Variants in DENND4A observed in about 807,000 individuals in gnomAD.
DENND4A encodes DENN domain containing 4A, also known as C-myc promoter-binding protein.
A neutral mutation model predicts 199.3 loss-of-function variants in DENND4A; 70 were observed. That is an observed-to-expected ratio of 0.35 (90% confidence interval 0.29 to 0.43). The LOEUF (loss-of-function observed/expected upper bound fraction) is 0.43, where lower values mean the gene tolerates loss of function less well. DENND4A is among the 20% of genes least tolerant of loss of function. The probability of loss-of-function intolerance (pLI) is 1.00; values close to 1 mark genes in which losing one functional copy is unlikely to be tolerated. For missense variants in DENND4A, 1,723 were observed against 2,255.8 expected (o/e 0.76, Z 4.78); for synonymous variants, 686 against 766.9 (o/e 0.89, Z 1.74).
chr15:65,706,485 CACACACACACATAT>C (rs1218265316), intron 14 of DENND4A, among the ~76,000 whole-genome samples: 2 of 92,298 alleles, frequency 2.2e-5, no homozygotes, highest in African/African-American at 8.8e-5. Context: ...CACACACACA[CACACACACACATAT>C]ATATATATAT....
At chr15:65,676,406 A>G in intron 24 of DENND4A, 39 bp downstream of exon 24, 1 of 1,425,576 alleles carries the variant, frequency 7.0e-7, no homozygotes, top group Non-Finnish European at 9.4e-7. Context: ...AAATGAAACT[A>G]CAAATCAAAT....
At chr15:65,707,842 C>T (rs1481572950) in intron 14 of DENND4A, among the ~76,000 whole-genome samples, 1 of 152,070 alleles carries the variant, frequency 6.6e-6, no homozygotes, top group African/African-American at 2.4e-5. Flanking sequence ...CGTGCCACCA[C>T]ACCCAGCTAA....
At chr15:65,718,591 A>G (rs2075489768) in intron 12 of DENND4A, among the ~76,000 whole-genome samples, 1 of 152,054 alleles carries the variant, frequency 6.6e-6, no homozygotes, top group Non-Finnish European at 1.5e-5. Context: ...AATAAGGAGA[A>G]TAATAAAAAA....
At chr15:65,746,367 C>CTTTTTTTTTTT (rs2076391530) in intron 4 of DENND4A, among the ~76,000 whole-genome samples, 4 of 71,042 alleles carry the variant, frequency 5.6e-5, no homozygotes, top group South Asian at 4.7e-4. Context: ...CTACTTTTTT[C>CTTTTTTTTTTT]TCTTTTTTTT....
intron 20 of DENND4A, among the ~76,000 whole-genome samples, chr15:65,697,868 A>T (rs535246506): frequency 2.0e-5 from 3 of 152,336 alleles, no homozygotes; most frequent in Admixed American, 1.3e-4. Flanking sequence ...ATTAATTTTT[A>T]AAAAAATTTA....
Position 65,668,004 on chromosome 15 carries a change from C to A in DENND4A, c.4907G>T (p.Gly1636Val). ...TCCAGTATCTTCCTTATCCAAGGGGCCAGAAGTACTAATACTCCTGGCCAT... is the reference window on the plus strand; with the variant it reads ...TCCAGTATCTTCCTTATCCAAGGGGACAGAAGTACTAATACTCCTGGCCAT... ...FPMARSISTSGPLDKEDTGRQ... is the reference protein window; with the variant it reads ...FPMARSISTSVPLDKEDTGRQ... Residue 1636 changes from glycine to valine, a missense_variant, in exon 28 of 33, where the codon GGC (glycine) becomes GTC (valine). Transcript: ENST00000443035. 1.2e-6 allele frequency: 2 copies of A among 1,611,788 alleles called. No homozygotes were observed. Among genetic ancestry groups the A allele is most frequent in the Middle Eastern group, 1.7e-4 (1 of 6,050 alleles).
Position 65,660,196 on chromosome 15 carries a change from A to C in DENND4A, c.*1655T>G. The C allele has an allele frequency of 1.0e-6, 1 of 956,304 alleles. No individual in the cohort carries two copies. 59.2% of individuals were successfully genotyped at this position (956,304 alleles called of 1,614,324 possible). On this transcript the variant is annotated 3_prime_UTR_variant, in exon 33 of 33. Coordinates refer to ENST00000443035, the MANE Select transcript of DENND4A (RefSeq NM_001320835.1). ...AAAGGAGAGGCAGATATATGTGCCTAGCACCAGATTTTTCAAGTAAGCAAG... is the reference window on the plus strand; with the variant it reads ...AAAGGAGAGGCAGATATATGTGCCTCGCACCAGATTTTTCAAGTAAGCAAG...
In DENND4A at chr15:65,749,237, G is replaced by A. The variant is rs562972981; in HGVS notation, c.561+3142C>T. ...AATAATTAATGCAGTACAGTGCTCAGGAGTTTGGTTCTGGAGTTCTGCAAC... is the reference window on the plus strand; with the variant it reads ...AATAATTAATGCAGTACAGTGCTCAAGAGTTTGGTTCTGGAGTTCTGCAAC... On this transcript the variant is annotated intron_variant, in intron 4 of 32. Transcript: ENST00000443035. 3.2e-4 allele frequency among the ~76,000 whole-genome samples: 48 copies of A among 152,300 alleles called. No individual in the cohort carries two copies. In the Middle Eastern group the frequency reaches 0.01, roughly 32 times the overall value.
chr15:65,782,565 GTTGT>G (rs1241886656), intron 1 of DENND4A, among the ~76,000 whole-genome samples: 5 of 152,136 alleles, frequency 3.3e-5, no homozygotes, highest in Non-Finnish European at 5.9e-5. Context: ...CCTCGGACAA[GTTGT>G]TTAACATCTC....
At position 65,700,558 on chromosome 15, in the gene DENND4A, T is replaced by C; in HGVS notation, c.2819A>G (p.Asp940Gly). ...CATACACAAACCTGTACTAGATCTA[T>C]CATCAGTAGCATATACTTTGATTAA... ...TGLIKVYATD[D>G]RSSTGGQSDL... Residue 940 changes from aspartate to glycine, a missense_variant, in exon 20 of 33, where the codon GAT becomes GGT. Coordinates refer to ENST00000443035, the MANE Select transcript of DENND4A (RefSeq NM_001320835.1). 6.5e-7 allele frequency: 1 copy of C among 1,530,044 alleles called. No individual in the cohort carries two copies. Among genetic ancestry groups the C allele is most frequent in the Middle Eastern group, 1.7e-4 (1 of 5,924 alleles). 94.8% of individuals were successfully genotyped at this position (1,530,044 alleles called of 1,614,324 possible).
At chr15:65,670,409 A>AT (rs1004820460) in intron 25 of DENND4A, among the ~76,000 whole-genome samples, 6 of 152,120 alleles carry the variant, frequency 3.9e-5, no homozygotes, top group Non-Finnish European at 7.4e-5. Context: ...TTAAGTGAGG[A>AT]TTTTTTTCAT....
At chr15:65,791,600 C>T (rs567083042) in intron 1 of DENND4A, among the ~76,000 whole-genome samples, 1 of 152,262 alleles carries the variant, frequency 6.6e-6, no homozygotes, top group East Asian at 1.9e-4. Context: ...GGGCTCCCCC[C>T]GCCGCCTGTC....
chr15:65,733,349 A>G lies in DENND4A; in HGVS notation c.1041-531T>C, dbSNP rs2076016640. 2.6e-5 allele frequency among the ~76,000 whole-genome samples: 4 copies of G among 152,270 alleles called. No homozygotes were observed. In the South Asian group the frequency reaches 8.3e-4, roughly 32 times the overall value. On this transcript the variant is annotated intron_variant, in intron 7 of 32. Coordinates refer to ENST00000443035, the MANE Select transcript of DENND4A (RefSeq NM_001320835.1). The stretch of plus-strand genomic sequence containing the variant: ...GCTAGATCTATGGATTTTGTTTTTA[A>G]CACTATGGAACAGAAAAAAAGCAAC...
At chr15:65,694,118 T>TA (rs1297588339) in intron 22 of DENND4A, among the ~76,000 whole-genome samples, 2 of 152,214 alleles carry the variant, frequency 1.3e-5, no homozygotes, top group African/African-American at 4.8e-5. Flanking sequence ...GAACACTCAG[T>TA]AATTCAATAT....
intron 15 of DENND4A, among the ~76,000 whole-genome samples, chr15:65,704,031 A>C (rs1342425843): frequency 1.3e-5 from 2 of 152,230 alleles, no homozygotes; most frequent in Non-Finnish European, 2.9e-5. Flanking sequence ...TTTACACATT[A>C]CTATAGTCAA....
chr15:65,669,125 G>A (rs148686497), intron 27 of DENND4A, among the ~76,000 whole-genome samples: 35 of 152,258 alleles, frequency 2.3e-4, no homozygotes, highest in African/African-American at 7.9e-4. Flanking sequence ...GATGAAAGAA[G>A]GTGCACAAAC....
chr15:65,754,378 C>T lies in DENND4A; in HGVS notation c.312-1750G>A, dbSNP rs146391789. On this transcript the variant is annotated intron_variant, in intron 3 of 32. Transcript: ENST00000443035. ...AGACAATCTAAATTCAAATTCCCAC[C>T]ACCTGTTACTAGCTGCAGTTCTGTA... is the stretch of plus-strand genomic sequence containing the variant. 1.5e-3 allele frequency among the ~76,000 whole-genome samples: 223 copies of T among 152,218 alleles called. 5 individuals are homozygous for T. The East Asian group carries it at 0.035, about 24-fold the overall frequency.
chr15:65,738,088 CCTG>C, intron 6 of DENND4A, 143 bp from the exon 7 acceptor site: 1 of 735,938 alleles, frequency 1.4e-6, no homozygotes, highest in Non-Finnish European at 2.2e-6. Flanking sequence ...AGACACCCCT[CCTG>C]CTTTCTTGAT....
intron 4 of DENND4A, among the ~76,000 whole-genome samples, chr15:65,747,643 C>T (rs2076436496): frequency 6.6e-6 from 1 of 152,144 alleles, no homozygotes; most frequent in Non-Finnish European, 1.5e-5. Context: ...AAAATTTGTA[C>T]TGTATCCAGC....
Sources: gnomAD v4.1 joint callset for allele counts (sites outside exome capture counted in the v4.1 genomes callset) on GRCh38, gnomAD v4.1.1 for gene constraint, MANE v1.5 for transcripts, NCBI Gene and HGNC (gene_info 2026-07-23, HGNC 2026-07-21) for gene names.